Variants in PLEKHG4B observed in about 807,000 individuals in gnomAD.
PLEKHG4B encodes the protein pleckstrin homology and RhoGEF domain containing G4B.
A neutral mutation model predicts 121.3 loss-of-function variants in PLEKHG4B; 111 were observed. The ratio of observed to expected loss-of-function variants is 0.92; its 90% CI spans 0.78 to 1.07. The LOEUF (loss-of-function observed/expected upper bound fraction) is 1.07. PLEKHG4B is among the 50% of genes least tolerant of loss of function. The pLI, the probability that PLEKHG4B is intolerant of heterozygous loss-of-function variation, is 0.00. For missense variants in PLEKHG4B, 1,831 were observed against 1,757.8 expected (o/e 1.04, Z -0.74); for synonymous variants, 738 against 725.0 (o/e 1.02, Z -0.29).
Position 187,182 on chromosome 5 carries a change from G to T in PLEKHG4B, c.*4859G>T, listed in dbSNP as rs1733653851. 6.6e-6 allele frequency: 1 copy of T among 152,456 alleles called. No individual in the cohort carries two copies. Among genetic ancestry groups the T allele is most frequent in the South Asian group, 2.1e-4 (1 of 4,834 alleles). 9.4% of individuals were successfully genotyped at this position (152,456 alleles called of 1,614,324 possible). Reference sequence around the variant, plus strand: ...TTTTACATTCAGAGGTGAGGAAGGGGTGCCGGCATCTGCCCCAGACACAAC... The same window carrying T: ...TTTTACATTCAGAGGTGAGGAAGGGTTGCCGGCATCTGCCCCAGACACAAC... On this transcript the variant is annotated 3_prime_UTR_variant, in exon 20 of 20. Transcript: ENST00000637938.
chr5:129,556 C>T (rs996530170), intron 2 of PLEKHG4B, among the ~76,000 whole-genome samples: 3 of 152,228 alleles, frequency 2.0e-5, no homozygotes, highest in African/African-American at 7.2e-5. Context: ...CTCAGGCACA[C>T]ATTCTCAGGA....
In PLEKHG4B at chr5:140,314, G is replaced by T; in HGVS notation, c.1075G>T (p.Ala359Ser). ...RRWFRESYME[A>S]LRNPMPLGSS... is the part of the protein sequence containing the mutation. ...CTGGTTCAGGGAGTCGTACATGGAA[G>T]CCTTGCGGAACCCCATGCCCCTGGG... Residue 359 changes from alanine (A) to serine (S), a missense_variant, in exon 3 of 20, where the codon GCC (alanine) becomes TCC (serine). Physicochemically the swap from Ala to Ser is moderately conservative, Grantham distance 99 (BLOSUM62 1). Transcript: ENST00000637938. 3 of 1,506,326 alleles carry T rather than the reference G, an allele frequency of 2.0e-6. No individual in the cohort carries two copies. The highest frequency in any genetic ancestry group is 2.7e-6 in the Non-Finnish European group (3 of 1,130,110). 93.3% of individuals were successfully genotyped at this position (1,506,326 alleles called of 1,614,324 possible).
At chr5:106,543 A>G (rs1733978422) in intron 1 of PLEKHG4B, among the ~76,000 whole-genome samples, 1 of 152,254 alleles carries the variant, frequency 6.6e-6, no homozygotes, top group Non-Finnish European at 1.5e-5. Context: ...TTTAACGAAC[A>G]TGTAGAACTG....
rs754882764 is a variant in PLEKHG4B at position 182,243 on chromosome 5, C to T, written c.4804C>T (p.Pro1602Ser). The stretch of plus-strand genomic sequence containing the variant: ...CTGCGTCGAGGAAGATGAGCCAGAG[C>T]CAGAACTAGAGACGGGCACCCAGGC... ...RACVEEDEPE[P>S]ELETGTQAAV... Residue 1602 changes from proline to serine, a missense_variant, in exon 20 of 20, where the codon CCA becomes TCA. Physicochemically the swap from Pro to Ser is moderately conservative, Grantham distance 74 (BLOSUM62 -1). Coordinates refer to ENST00000637938, the MANE Select transcript of PLEKHG4B (RefSeq NM_052909.5). The T allele has an allele frequency of 2.5e-5, 40 of 1,613,538 alleles. No homozygotes were observed. The highest frequency in any genetic ancestry group is 3.1e-5 in the Non-Finnish European group (37 of 1,180,030).
intron 13 of PLEKHG4B, among the ~76,000 whole-genome samples, chr5:164,202 TGGAAGAC>T (rs1177324939): frequency 6.6e-6 from 1 of 152,278 alleles, no homozygotes; most frequent in East Asian, 1.9e-4. Context: ...ACAGGATTCA[TGGAAGAC>T]AATTTTTCCA....
intron 7 of PLEKHG4B, among the ~76,000 whole-genome samples, chr5:154,511 A>G (rs1735704942): frequency 6.6e-6 from 1 of 151,826 alleles, no homozygotes; most frequent in South Asian, 2.1e-4. Flanking sequence ...GCTTTCAGGA[A>G]ACTCTCCTTA....
In PLEKHG4B at chr5:156,546, C is replaced by A. The variant is rs1269873580; in HGVS notation, c.2349-227C>A. 2.0e-5 allele frequency among the ~76,000 whole-genome samples: 3 copies of A among 152,066 alleles called. No homozygotes were observed. The highest frequency in any genetic ancestry group is 4.4e-5 in the Non-Finnish European group (3 of 68,014). ...ACACAGCCAGTCCCGCCTAAGCTGC[C>A]CCACCTGGGTCCCCTCCAGGCACCT... On this transcript the variant is annotated intron_variant, in intron 10 of 19. Transcript: ENST00000637938. This position sits in a 1 kb window ranked among gnomAD's most constrained non-coding sequence, Gnocchi z 4.4.
chr5:148,607 A>G (rs1483586000), intron 6 of PLEKHG4B, among the ~76,000 whole-genome samples: 3 of 152,228 alleles, frequency 2.0e-5, no homozygotes, highest in Non-Finnish European at 4.4e-5. Flanking sequence ...CTCATGTTCA[A>G]GGATTGGAAG....
At chr5:125,575 CATA>C (rs1734589473) in intron 2 of PLEKHG4B, among the ~76,000 whole-genome samples, 1 of 152,060 alleles carries the variant, frequency 6.6e-6, no homozygotes, top group African/African-American at 2.4e-5. Context: ...AAGTATTAAA[CATA>C]ATCTAATAAT....
chr5:101,203 A>G (rs1733798253), intron 1 of PLEKHG4B, among the ~76,000 whole-genome samples: 1 of 126,974 alleles, frequency 7.9e-6, no homozygotes, highest in Non-Finnish European at 1.6e-5. Context: ...TCTGTAGGGG[A>G]GAGACTGTTG....
intron 7 of PLEKHG4B, among the ~76,000 whole-genome samples, chr5:153,986 G>A (rs1050226440): frequency 2.0e-5 from 3 of 150,490 alleles, no homozygotes; most frequent in Non-Finnish European, 3.0e-5. Flanking sequence ...CCACCACACC[G>A]GCCAGATGCC....
chr5:174,976 C>T (rs959847052), intron 18 of PLEKHG4B, among the ~76,000 whole-genome samples: 1 of 152,112 alleles, frequency 6.6e-6, no homozygotes, highest in Non-Finnish European at 1.5e-5. Context: ...CCAAGAGGCC[C>T]ACCCGGTCTG....
chr5:164,679 C>CGGGGTGG (rs1736207189), intron 13 of PLEKHG4B, among the ~76,000 whole-genome samples: 1 of 95,200 alleles, frequency 1.1e-5, no homozygotes, highest in Non-Finnish European at 2.2e-5. Context: ...AATACTCTGA[C>CGGGGTGG]AGGGGGCGGA....
At chr5:92,958 C>T (rs979160978) in intron 1 of PLEKHG4B, among the ~76,000 whole-genome samples, 1 of 152,028 alleles carries the variant, frequency 6.6e-6, no homozygotes, top group African/African-American at 2.4e-5. Flanking sequence ...AGTGATAAAG[C>T]TGTTTTCAGG....
At chr5:135,682 AATATATATATATAT>A (rs70955207) in intron 2 of PLEKHG4B, among the ~76,000 whole-genome samples, 59 of 19,550 alleles carry the variant, frequency 3.0e-3, no homozygotes, top group African/African-American at 5.1e-3. Flanking sequence ...AAAAAAAAAA[AATATATATATATAT>A]ATATATATAT....
intron 1 of PLEKHG4B, among the ~76,000 whole-genome samples, chr5:99,227 G>A (rs1388653369): frequency 6.4e-4 from 86 of 133,454 alleles, no homozygotes; most frequent in African/African-American, 2.1e-3. Flanking sequence ...GCGATTTTGG[G>A]GCCCTTGCAA....
intron 1 of PLEKHG4B, among the ~76,000 whole-genome samples, chr5:107,909 G>T (rs189496597): frequency 9.2e-5 from 14 of 152,328 alleles, no homozygotes; most frequent in Admixed American, 5.2e-4. Context: ...GTATACCTGG[G>T]CTTCAGGGAT....
intron 8 of PLEKHG4B, 31 bp downstream of exon 8, chr5:155,022 G>A (rs11745772): frequency 0.12 from 192,540 of 1,542,474 alleles, 14,922 homozygotes; most frequent in African/African-American, 0.35. Context: ...CTGCACATGC[G>A]ACAGTCTCTG....
In PLEKHG4B at chr5:169,514, C is replaced by T. The variant is rs201852301; in HGVS notation, c.3651C>T (p.Phe1217=). 1 of 1,614,152 alleles carries T rather than the reference C, an allele frequency of 6.2e-7. No homozygotes were observed. The highest frequency in any genetic ancestry group is 2.2e-5 in the East Asian group (1 of 44,882). ...GCAACTTGGAGAAGCTCCACGACTT[C>T]CACCAGCAGCACTTCCTCCGGGAGC... The part of the protein sequence containing the change: ...IFGNLEKLHD[F]HQQHFLRELE... The change falls in exon 14 of 20, where the codon TTC becomes TTT. Residue 1217 remains phenylalanine, a synonymous_variant. Transcript: ENST00000637938.
Sources: gnomAD v4.1 joint callset for allele counts (sites outside exome capture counted in the v4.1 genomes callset) on GRCh38, gnomAD v4.1.1 for gene constraint, Gnocchi (gnomAD v3.1) non-coding constraint, MANE v1.5 for transcripts, NCBI Gene and HGNC (gene_info 2026-07-23, HGNC 2026-07-21) for gene names.